ACAD11: variants seen among roughly 807,000 people sequenced by gnomAD.
The protein encoded by ACAD11 is acyl-Coenzyme A dehydrogenase family, member 11.
ACAD11 carries 83 observed loss-of-function variants against 102.2 expected under a neutral mutation model. The observed-to-expected ratio is 0.81, with a 90% CI of 0.68 to 0.97. The LOEUF (loss-of-function observed/expected upper bound fraction) is 0.97. ACAD11 is among the 50% of genes least tolerant of loss of function. ACAD11 has a pLI of 0.00. For synonymous variants in ACAD11, 324 were observed against 319.8 expected, an observed-to-expected ratio of 1.01 and a Z score of -0.14; for missense variants, 901 against 951.7, an observed-to-expected ratio of 0.95 and a Z score of 0.70.
At chr3:132,613,119 C>T (rs1185631013) in intron 11 of ACAD11, among the ~76,000 whole-genome samples, 7 of 151,618 alleles carry the variant, frequency 4.6e-5, no homozygotes, top group Non-Finnish European at 5.9e-5. Flanking sequence ...AGCAAACTAT[C>T]GCAAGGACAA....
chr3:132,650,790 C>A (rs984130250), intron 1 of ACAD11, among the ~76,000 whole-genome samples: 1 of 152,116 alleles, frequency 6.6e-6, no homozygotes, highest in Non-Finnish European at 1.5e-5. Flanking sequence ...TTGAGACCAC[C>A]GGAACTGGTT....
At chr3:132,624,530 A>G (rs1164788488) in intron 9 of ACAD11, among the ~76,000 whole-genome samples, 7 of 149,204 alleles carry the variant, frequency 4.7e-5, no homozygotes, top group Non-Finnish European at 1.0e-4. Context: ...GCTTGAACCC[A>G]GGAGGCGGAG....
chr3:132,560,745 C>T (rs1303196735), intron 18 of ACAD11, among the ~76,000 whole-genome samples: 1 of 152,100 alleles, frequency 6.6e-6, no homozygotes, highest in East Asian at 1.9e-4. Flanking sequence ...TTACTCTTCA[C>T]AACAACCCTA....
intron 13 of ACAD11, among the ~76,000 whole-genome samples, chr3:132,580,588 C>G (rs1171005514): frequency 6.6e-6 from 1 of 151,802 alleles, no homozygotes; most frequent in Non-Finnish European, 1.5e-5. Flanking sequence ...AATTATTAAG[C>G]AATTAGAAAT....
chr3:132,593,055 T>TA (rs1264277562), intron 13 of ACAD11, among the ~76,000 whole-genome samples: 1 of 151,304 alleles, frequency 6.6e-6, no homozygotes, highest in South Asian at 2.1e-4. Context: ...AACCAAGACA[T>TA]AAAAAAACTA....
chr3:132,610,649 T>C (rs146026423), intron 11 of ACAD11, among the ~76,000 whole-genome samples: 4,225 of 152,174 alleles, frequency 0.028, 62 homozygotes, highest in Non-Finnish European at 0.03. Context: ...CCTAGACACA[T>C]ACACCCTCCC....
chr3:132,606,626 C>T (rs532373598), intron 11 of ACAD11, among the ~76,000 whole-genome samples: 2 of 152,312 alleles, frequency 1.3e-5, no homozygotes, highest in Admixed American at 6.5e-5. Context: ...GGCAGTAGCC[C>T]CAGTCAGGGG....
intron 1 of ACAD11, among the ~76,000 whole-genome samples, chr3:132,653,013 T>G (rs1937614098): frequency 6.6e-6 from 1 of 152,216 alleles, no homozygotes; most frequent in Non-Finnish European, 1.5e-5. Context: ...GCATAGATGC[T>G]GTTTATTGGA....
At chr3:132,637,292 T>C (rs1439741048) in intron 5 of ACAD11, among the ~76,000 whole-genome samples, 1 of 152,134 alleles carries the variant, frequency 6.6e-6, no homozygotes, top group African/African-American at 2.4e-5. Flanking sequence ...CTTGCATACA[T>C]CTATAGTCAA....
Position 132,630,556 on chromosome 3 carries a change from T to C in ACAD11, c.844A>G (p.Ile282Val), listed in dbSNP as rs1439156821. The change falls in exon 7 of 20, where the codon ATA (isoleucine) becomes GTA (valine). Residue 282 changes from isoleucine to valine, a missense_variant and splice_region_variant. By Grantham distance (29) the Ile-to-Val change is conservative. Coordinates refer to ENST00000264990, the MANE Select transcript of ACAD11 (RefSeq NM_032169.5). ...NQGSYSENSG[I>V]PSMEELISIY... ...GAAATCAGTTCTTCCATTGATGGTA[T>C]CCCTATAAAAACAGCATGTAATATA... The C allele has an allele frequency of 2.5e-6, 4 of 1,605,832 alleles. No homozygotes were observed. Among genetic ancestry groups the C allele is most frequent in the South Asian group, 1.1e-5 (1 of 89,322 alleles).
chr3:132,650,533 A>T (rs921692086), intron 1 of ACAD11: 3 of 152,230 alleles, frequency 2.0e-5, no homozygotes, highest in Non-Finnish European at 4.4e-5. Context: ...GCTATTTCAT[A>T]TATTATTAGA....
chr3:132,612,361 C>T (rs1348350309), intron 11 of ACAD11, among the ~76,000 whole-genome samples: 1 of 151,972 alleles, frequency 6.6e-6, no homozygotes, highest in Admixed American at 6.6e-5. Context: ...CAACAAAAGA[C>T]AAAATTGACA....
In ACAD11 at chr3:132,558,444, G is replaced by T. The variant is rs1936946796; in HGVS notation, c.*527C>A. On this transcript the variant is annotated 3_prime_UTR_variant, in exon 20 of 20. Transcript: ENST00000264990. ...AAAGAGGCCCACACAACACACCAGG[G>T]ATCAGAGCCAGGTCAAATTCTTGCT... The T allele has an allele frequency of 6.4e-6, 1 of 155,142 alleles. No homozygotes were observed. Among genetic ancestry groups the T allele is most frequent in the African/African-American group, 2.4e-5 (1 of 41,438 alleles). 9.6% of individuals were successfully genotyped at this position (155,142 alleles called of 1,614,324 possible).
In ACAD11 at chr3:132,576,974, C is replaced by T. The variant is rs746509045; in HGVS notation, c.1816G>A (p.Val606Met). ...GGHFEIHFNQ[V>M]RVPATNLILG... ...ATTAGATTTGTGGCAGGAACTCGCA[C>T]TTGATTAAAATGGATCTCAAAATGT... Residue 606 changes from valine (V) to methionine (M), a missense_variant, in exon 16 of 20, where the codon GTG (valine) becomes ATG (methionine). Physicochemically the swap from Val to Met is conservative, Grantham distance 21. Coordinates refer to ENST00000264990, the MANE Select transcript of ACAD11 (RefSeq NM_032169.5). 6.2e-7 allele frequency: 1 copy of T among 1,611,002 alleles called. No homozygotes were observed. The highest frequency in any genetic ancestry group is 1.7e-5 in the Admixed American group (1 of 59,920).
chr3:132,629,932 A>G (rs1576604839), intron 7 of ACAD11, among the ~76,000 whole-genome samples: 1 of 152,236 alleles, frequency 6.6e-6, no homozygotes, highest in East Asian at 1.9e-4. Context: ...TTCAAAATTA[A>G]TCACACAAAT....
intron 14 of ACAD11, 87 bp downstream of exon 14, chr3:132,579,405 A>G: frequency 9.2e-7 from 1 of 1,086,010 alleles, no homozygotes; most frequent in Non-Finnish European, 1.4e-6. Flanking sequence ...TTGTGAGTCC[A>G]AACAGTGAAT....
At position 132,558,690 on chromosome 3, in the gene ACAD11, G is replaced by T; in HGVS notation, c.*281C>A. 1 of 306,814 alleles carries T rather than the reference G, an allele frequency of 3.3e-6. No homozygotes were observed. The highest frequency in any genetic ancestry group is 5.9e-6 in the Non-Finnish European group (1 of 168,694). 19.0% of individuals were successfully genotyped at this position (306,814 alleles called of 1,614,324 possible). ...TCATTTTTAAATTTTTTGTAGCAAT[G>T]GGGGTCTCGCTATGTTGCCCAGGCT... On this transcript the variant is annotated 3_prime_UTR_variant, in exon 20 of 20. Coordinates refer to ENST00000264990, the MANE Select transcript of ACAD11 (RefSeq NM_032169.5).
chr3:132,653,987 C>T (rs1937650380), intron 1 of ACAD11, among the ~76,000 whole-genome samples: 2 of 152,190 alleles, frequency 1.3e-5, no homozygotes, highest in African/African-American at 2.4e-5. Context: ...CAACTGCTTA[C>T]TATACATATC....
intron 4 of ACAD11, 106 bp downstream of exon 4, chr3:132,641,866 T>C: frequency 9.5e-7 from 1 of 1,048,946 alleles, no homozygotes; most frequent in Admixed American, 2.5e-5. Context: ...TTAAAAGTCA[T>C]GGCCAAGCTT....
Sources: allele counts gnomAD v4.1 joint callset (sites outside exome capture counted in the v4.1 genomes callset), GRCh38; gene constraint gnomAD v4.1.1; transcripts MANE v1.5; gene names NCBI Gene and HGNC (gene_info 2026-07-23, HGNC 2026-07-21).